The following PRKD1 variants were observed in gnomAD, a reference collection of about 807,000 sequenced individuals.
The protein encoded by PRKD1 is protein kinase D1, also known as serine/threonine-protein kinase D1.
A neutral mutation model predicts 95.9 loss-of-function variants in PRKD1; 63 were observed. That is an observed-to-expected ratio of 0.66 (90% CI 0.54 to 0.81). The LOEUF (loss-of-function observed/expected upper bound fraction) is 0.81, where lower values mean the gene tolerates loss of function less well. PRKD1 is among the 30% of genes least tolerant of loss of function. The pLI, the probability that PRKD1 is intolerant of heterozygous loss-of-function variation, is 0.00. For synonymous variants in PRKD1, 425 were observed against 423.1 expected (o/e 1.00, Z -0.05); for missense variants, 1,048 against 1,165.3 (o/e 0.90, Z 1.47).
chr14:29,666,288 T>A lies in PRKD1; in HGVS notation c.404-80A>T. The A allele has an allele frequency of 3.5e-6, 5 of 1,422,730 alleles. No individual in the cohort carries two copies. The South Asian group carries it at 6.2e-5, about 18-fold the overall frequency. 88.1% of individuals were successfully genotyped at this position (1,422,730 alleles called of 1,614,324 possible). A position where few individuals can be genotyped will look rare whatever the true frequency, so the allele number is the denominator to read the frequency against. On this transcript the variant is annotated intron_variant, in intron 2 of 17. Transcript: ENST00000331968. The stretch of plus-strand genomic sequence containing the variant: ...TAAAAAGTATGCAAGATAATAAATA[T>A]GCCAGTACGGATATAACTCCCTAGG...
chr14:29,852,605 A>G (rs1892351048), intron 1 of PRKD1, among the ~76,000 whole-genome samples: 1 of 152,106 alleles, frequency 6.6e-6, no homozygotes, highest in Non-Finnish European at 1.5e-5. Flanking sequence ...AAACTTCCCA[A>G]ATTTGATAAA....
intron 1 of PRKD1, among the ~76,000 whole-genome samples, chr14:29,833,351 G>C (rs973407864): frequency 6.6e-6 from 1 of 151,940 alleles, no homozygotes; most frequent in Non-Finnish European, 1.5e-5. Flanking sequence ...CAAAATGATT[G>C]TCGAAATTCT....
chr14:29,796,699 G>T, intron 1 of PRKD1, among the ~76,000 whole-genome samples: 1 of 152,126 alleles, frequency 6.6e-6, no homozygotes, highest in East Asian at 1.9e-4. Flanking sequence ...AGTAAGATGA[G>T]GGCCAAACAC....
At chr14:29,597,034 ATAT>A (rs899492774) in intron 16 of PRKD1, among the ~76,000 whole-genome samples, 11 of 152,136 alleles carry the variant, frequency 7.2e-5, no homozygotes, top group African/African-American at 2.2e-4. Flanking sequence ...GCCAAGTAAA[ATAT>A]TATACATATT....
chr14:29,759,741 A>G (rs1435619138), intron 1 of PRKD1, among the ~76,000 whole-genome samples: 1 of 152,182 alleles, frequency 6.6e-6, no homozygotes, highest in Non-Finnish European at 1.5e-5. Context: ...AGAAACTGGC[A>G]TTGTGCGCAG....
intron 13 of PRKD1, among the ~76,000 whole-genome samples, chr14:29,620,153 C>A (rs968126491): frequency 6.7e-6 from 1 of 150,154 alleles, no homozygotes; most frequent in African/African-American, 2.4e-5. Context: ...CCCTTCCTTA[C>A]ACCTTATACA....
chr14:29,730,401 C>A (rs1886373001), intron 1 of PRKD1, among the ~76,000 whole-genome samples: 1 of 152,004 alleles, frequency 6.6e-6, no homozygotes, highest in Non-Finnish European at 1.5e-5. Context: ...GAAAAGAGAA[C>A]CCTGTACACT....
At chr14:29,639,717 TAA>T (rs1245116471) in intron 4 of PRKD1, among the ~76,000 whole-genome samples, 1 of 151,208 alleles carries the variant, frequency 6.6e-6, no homozygotes, top group Non-Finnish European at 1.5e-5. Flanking sequence ...AAGAAAAAAA[TAA>T]ATATGATTTT....
intron 1 of PRKD1, among the ~76,000 whole-genome samples, chr14:29,907,988 G>A: frequency 6.6e-6 from 1 of 151,984 alleles, no homozygotes; most frequent in Non-Finnish European, 1.5e-5. Context: ...GTAAGGCTGT[G>A]GTTTTATAGT....
At chr14:29,889,124 GCTAT>G (rs1369979500) in intron 1 of PRKD1, among the ~76,000 whole-genome samples, 1 of 152,126 alleles carries the variant, frequency 6.6e-6, no homozygotes, top group African/African-American at 2.4e-5. Flanking sequence ...ATTCAAATGG[GCTAT>G]CTGATAGGTA....
chr14:29,790,314 C>T (rs753392541), intron 1 of PRKD1, among the ~76,000 whole-genome samples: 31 of 152,078 alleles, frequency 2.0e-4, no homozygotes, highest in East Asian at 9.7e-4. Flanking sequence ...TGAGCCACCA[C>T]GCCCACAGTC....
intron 1 of PRKD1, among the ~76,000 whole-genome samples, chr14:29,807,371 A>G (rs185187675): frequency 6.6e-6 from 1 of 152,030 alleles, no homozygotes; most frequent in East Asian, 1.9e-4. Context: ...CTGAAGGCTG[A>G]GGTGGCTGTA....
chr14:29,620,180 G>C (rs1033490416), intron 13 of PRKD1, among the ~76,000 whole-genome samples: 4 of 149,076 alleles, frequency 2.7e-5, no homozygotes, highest in African/African-American at 9.8e-5. Flanking sequence ...AATTCAAGAT[G>C]GATTAAAGAC....
chr14:29,883,981 T>C (rs1269995489), intron 1 of PRKD1, among the ~76,000 whole-genome samples: 2 of 152,206 alleles, frequency 1.3e-5, no homozygotes, highest in Non-Finnish European at 2.9e-5. Flanking sequence ...AATGAGAGCA[T>C]CATCTGCAGA....
chr14:29,873,459 A>G (rs908327153), intron 1 of PRKD1, among the ~76,000 whole-genome samples: 3 of 143,314 alleles, frequency 2.1e-5, no homozygotes, highest in Non-Finnish European at 4.5e-5. Context: ...TTAGGTCAAA[A>G]TCAGATTTTA....
At chr14:29,905,483 A>G (rs920376489) in intron 1 of PRKD1, among the ~76,000 whole-genome samples, 3 of 143,084 alleles carry the variant, frequency 2.1e-5, no homozygotes, top group African/African-American at 8.3e-5. Flanking sequence ...TGCCAGCAGG[A>G]AAAAAAAAAA....
At chr14:29,808,431 C>CTTTTTTTT (rs1566612806) in intron 1 of PRKD1, among the ~76,000 whole-genome samples, 6 of 65,760 alleles carry the variant, frequency 9.1e-5, no homozygotes, top group Non-Finnish European at 1.4e-4. Context: ...GGGAGTTTTG[C>CTTTTTTTT]TCTTGTCGCC....
At chr14:29,638,136 C>T (rs777460704) in intron 6 of PRKD1, among the ~76,000 whole-genome samples, 169 of 151,926 alleles carry the variant, frequency 1.1e-3, no homozygotes, top group Non-Finnish European at 1.8e-3. Flanking sequence ...ATGAGAAGGA[C>T]AGAGGAAAAG....
intron 1 of PRKD1, among the ~76,000 whole-genome samples, chr14:29,919,986 A>AGAGAGAG (rs1566672106): frequency 2.2e-4 from 31 of 142,938 alleles, no homozygotes; most frequent in African/African-American, 8.1e-4. Flanking sequence ...GAGAGAGAGA[A>AGAGAGAG]AGAGAGGAAG....
Sources: allele counts gnomAD v4.1 joint callset (sites outside exome capture counted in the v4.1 genomes callset), GRCh38; gene constraint gnomAD v4.1.1; transcripts MANE v1.5; gene names NCBI Gene and HGNC (gene_info 2026-07-23, HGNC 2026-07-21).